ST8SIA2: variants seen among roughly 807,000 people sequenced by gnomAD.
The protein encoded by ST8SIA2 is alpha-2,8-sialyltransferase 8B.
Under a neutral mutation model 37.6 loss-of-function variants are expected in ST8SIA2, and 22 were observed. The ratio of observed to expected loss-of-function variants is 0.58; its 90% CI spans 0.42 to 0.83. The LOEUF is 0.83. ST8SIA2 is among the 40% of genes least tolerant of loss of function. The pLI is 0.00. For synonymous variants in ST8SIA2, 205 were observed against 201.2 expected, an observed-to-expected ratio of 1.02 and a Z score of -0.16; for missense variants, 382 against 484.7, an observed-to-expected ratio of 0.79 and a Z score of 1.99.
chr15:92,416,408 G>A (rs2049587121), intron 1 of ST8SIA2, among the ~76,000 whole-genome samples: 1 of 152,008 alleles, frequency 6.6e-6, no homozygotes, highest in Non-Finnish European at 1.5e-5. Context: ...CCGGGAGTGA[G>A]GTGTCCAGAG....
chr15:92,411,546 A>G (rs751938891), intron 1 of ST8SIA2, among the ~76,000 whole-genome samples: 1 of 152,336 alleles, frequency 6.6e-6, no homozygotes, highest in East Asian at 1.9e-4. Flanking sequence ...GGTTTTAAAC[A>G]TGATCATTTT....
chr15:92,406,450 G>A (rs1231905292), intron 1 of ST8SIA2, among the ~76,000 whole-genome samples: 1 of 152,206 alleles, frequency 6.6e-6, no homozygotes, highest in Non-Finnish European at 1.5e-5. Flanking sequence ...TGGATGTTTG[G>A]TAGAAATGTA....
intron 1 of ST8SIA2, among the ~76,000 whole-genome samples, chr15:92,419,375 T>C (rs73545831): frequency 0.011 from 1,605 of 152,284 alleles, 39 homozygotes; most frequent in African/African-American, 0.036. Context: ...CTCTGAATCC[T>C]GTTTTCTACA....
chr15:92,438,676 GC>G, intron 4 of ST8SIA2, 66 bp downstream of exon 4: 1 of 1,499,870 alleles, frequency 6.7e-7, no homozygotes, highest in East Asian at 2.4e-5. Context: ...GTGGAGCATT[GC>G]CAGCTGTCCC....
chr15:92,468,065 G>C lies in ST8SIA2; in HGVS notation c.*3680G>C, dbSNP rs1213196020. 1 of 152,198 alleles carries C rather than the reference G, an allele frequency of 6.6e-6. No homozygotes were observed. The highest frequency in any genetic ancestry group is 2.4e-5 in the African/African-American group (1 of 41,418). 9.4% of individuals were successfully genotyped at this position (152,198 alleles called of 1,614,324 possible). ...ACGTTATCTTCGACTATTCTTCCCT[G>C]TCCTGCCTTGCTAATTCTTCCCACT... On this transcript the variant is annotated 3_prime_UTR_variant, in exon 6 of 6. Transcript: ENST00000268164.
At chr15:92,427,998 C>A (rs2141826334) in intron 1 of ST8SIA2, among the ~76,000 whole-genome samples, 1 of 152,270 alleles carries the variant, frequency 6.6e-6, no homozygotes, top group Non-Finnish European at 1.5e-5. Context: ...AACAAACAAA[C>A]AAACAAACAA....
intron 5 of ST8SIA2, among the ~76,000 whole-genome samples, chr15:92,461,105 C>T (rs1028641128): frequency 1.3e-5 from 2 of 152,172 alleles, no homozygotes; most frequent in Non-Finnish European, 2.9e-5. Flanking sequence ...AAAGTGGAGA[C>T]ATGGGCCAGT....
intron 5 of ST8SIA2, among the ~76,000 whole-genome samples, chr15:92,450,630 A>G (rs1243157826): frequency 6.6e-6 from 1 of 152,160 alleles, no homozygotes; most frequent in Non-Finnish European, 1.5e-5. Flanking sequence ...ACCAGATCTT[A>G]TGAGAACTCA....
chr15:92,426,919 C>A (rs1263431672), intron 1 of ST8SIA2, among the ~76,000 whole-genome samples: 2 of 151,960 alleles, frequency 1.3e-5, no homozygotes, highest in Admixed American at 6.6e-5. Context: ...CATGGTGAAA[C>A]CCCATCTCTA....
At chr15:92,425,159 C>A (rs1464123667) in intron 1 of ST8SIA2, among the ~76,000 whole-genome samples, 1 of 152,196 alleles carries the variant, frequency 6.6e-6, no homozygotes, top group East Asian at 1.9e-4. Flanking sequence ...ATCAGCAGTT[C>A]CCCATCGCAA....
chr15:92,416,384 T>C (rs2049586929), intron 1 of ST8SIA2, among the ~76,000 whole-genome samples: 1 of 151,748 alleles, frequency 6.6e-6, no homozygotes, highest in Non-Finnish European at 1.5e-5. Flanking sequence ...AGCCAGGTTG[T>C]GCTGTGACTG....
chr15:92,413,283 C>G (rs559199543), intron 1 of ST8SIA2, among the ~76,000 whole-genome samples: 8 of 152,278 alleles, frequency 5.3e-5, no homozygotes, highest in Non-Finnish European at 8.8e-5. Context: ...TTAATCAGAA[C>G]AGTAATTACA....
At chr15:92,410,045 C>G (rs964456129) in intron 1 of ST8SIA2, among the ~76,000 whole-genome samples, 1 of 152,234 alleles carries the variant, frequency 6.6e-6, no homozygotes, top group African/African-American at 2.4e-5. Flanking sequence ...TTGCCACCAC[C>G]AGGCCATTGC....
At chr15:92,413,795 C>T (rs2049567428) in intron 1 of ST8SIA2, among the ~76,000 whole-genome samples, 1 of 152,238 alleles carries the variant, frequency 6.6e-6, no homozygotes, top group African/African-American at 2.4e-5. Context: ...TCCCTTTTCA[C>T]TCCGGCCCTC....
At chr15:92,437,895 G>GAAATCCCCCTAATC in intron 3 of ST8SIA2, among the ~76,000 whole-genome samples, 1 of 152,322 alleles carries the variant, frequency 6.6e-6, no homozygotes, top group South Asian at 2.1e-4. Flanking sequence ...GTCAGAGGAT[G>GAAATCCCCCTAATC]GCCCTAAATC....
intron 1 of ST8SIA2, among the ~76,000 whole-genome samples, chr15:92,398,118 A>C (rs1465372953): frequency 6.6e-6 from 1 of 152,176 alleles, no homozygotes; most frequent in Non-Finnish European, 1.5e-5. Context: ...TGGGCGACAG[A>C]GCGAGACTCC....
intron 1 of ST8SIA2, among the ~76,000 whole-genome samples, chr15:92,398,483 T>G (rs2049448040): frequency 6.6e-6 from 1 of 152,258 alleles, no homozygotes; most frequent in Non-Finnish European, 1.5e-5. Flanking sequence ...ATTTACTGAG[T>G]GCTTCCTAAG....
intron 1 of ST8SIA2, among the ~76,000 whole-genome samples, chr15:92,412,165 G>A (rs564067204): frequency 2.5e-4 from 38 of 152,258 alleles, no homozygotes; most frequent in African/African-American, 7.7e-4. Context: ...TGGCCTTGCC[G>A]GAGGTGTGAA....
intron 5 of ST8SIA2, among the ~76,000 whole-genome samples, chr15:92,453,822 T>G (rs1395026472): frequency 1.3e-5 from 2 of 152,162 alleles, no homozygotes; most frequent in African/African-American, 4.8e-5. Flanking sequence ...AATAAAAAAG[T>G]CAATAGAACA....
Sources: gnomAD v4.1 joint callset for allele counts (sites outside exome capture counted in the v4.1 genomes callset) on GRCh38, gnomAD v4.1.1 for gene constraint, MANE v1.5 for transcripts, NCBI Gene and HGNC (gene_info 2026-07-23, HGNC 2026-07-21) for gene names.